The following CACNA1C variants were observed in gnomAD, a reference collection of about 807,000 sequenced individuals.
The protein encoded by CACNA1C is voltage-dependent L-type calcium channel subunit alpha-1C.
CACNA1C carries 30 observed loss-of-function variants against 229.0 expected under a neutral mutation model. The observed-to-expected ratio is 0.13, with a 90% CI of 0.10 to 0.18. CACNA1C has a LOEUF of 0.18. CACNA1C is among the 10% of genes least tolerant of loss of function. CACNA1C has a pLI of 1.00. For synonymous variants in CACNA1C, 1,114 were observed against 1,132.5 expected (o/e 0.98, Z 0.33); for missense variants, 1,658 against 2,845.0 (o/e 0.58, Z 9.49).
intron 3 of CACNA1C, among the ~76,000 whole-genome samples, chr12:2,192,383 CT>C (rs1261746606): frequency 6.6e-6 from 1 of 152,196 alleles, no homozygotes; most frequent in Admixed American, 6.5e-5. Context: ...GTCCCCACCC[CT>C]GAGCTCAGCT....
intron 3 of CACNA1C, among the ~76,000 whole-genome samples, chr12:2,265,588 C>A (rs2082084336): frequency 6.6e-6 from 1 of 152,240 alleles, no homozygotes; most frequent in African/African-American, 2.4e-5. Context: ...TGAATAGCAT[C>A]CCCCAGGGGA....
At chr12:2,557,981 T>G (rs1568412353) in intron 11 of CACNA1C, among the ~76,000 whole-genome samples, 2 of 152,278 alleles carry the variant, frequency 1.3e-5, no homozygotes, top group East Asian at 3.9e-4. Context: ...TGCCAAAAAA[T>G]ATTGGTTATT....
intron 1 of CACNA1C, among the ~76,000 whole-genome samples, chr12:2,106,355 A>G (rs71454859): frequency 2.8e-3 from 80 of 28,746 alleles, no homozygotes; most frequent in Middle Eastern, 0.036. Context: ...TCAGCTGGGC[A>G]TCGTGAAGCC....
At chr12:2,435,667 T>C (rs985187686) in intron 3 of CACNA1C, among the ~76,000 whole-genome samples, 3 of 152,194 alleles carry the variant, frequency 2.0e-5, no homozygotes, top group African/African-American at 7.2e-5. Context: ...CTGCAGGCAC[T>C]GGAGGGAGGC....
intron 3 of CACNA1C, among the ~76,000 whole-genome samples, chr12:2,198,831 T>A (rs2097499846): frequency 6.6e-6 from 1 of 152,154 alleles, no homozygotes; most frequent in Admixed American, 6.5e-5. Context: ...TTAGGTGATT[T>A]TTTTTAAGTT....
At chr12:2,457,942 C>T (rs1252041807) in intron 5 of CACNA1C, among the ~76,000 whole-genome samples, 2 of 152,236 alleles carry the variant, frequency 1.3e-5, no homozygotes, top group Non-Finnish European at 2.9e-5. Context: ...ACAGCAGTCA[C>T]TCAGCCACAT....
At position 2,120,351 on chromosome 12, in the gene CACNA1C, C is replaced by G. The variant is rs2086024328; in HGVS notation, c.398C>G (p.Thr133Ser). ...WKPFEIIILL[T>S]IFANCVALAI... ...CCATTTGAAATAATTATTTTACTGA[C>G]TATTTTTGCCAATTGTGTGGCCTTA... Residue 133 changes from threonine (T) to serine (S), a missense_variant, in exon 3 of 47, where the codon ACT becomes AGT. By Grantham distance (58) the Thr-to-Ser change is moderately conservative. Around this residue, in one of 20 missense-constraint regions of CACNA1C, gnomAD observed 89 missense variants for 177.8 expected, o/e 0.50. Coordinates refer to ENST00000399655, the MANE Select transcript of CACNA1C (RefSeq NM_000719.7). 1.2e-6 allele frequency: 2 copies of G among 1,600,600 alleles called. No individual in the cohort carries two copies. Among genetic ancestry groups the G allele is most frequent in the Non-Finnish European group, 1.7e-6 (2 of 1,167,650 alleles).
At position 2,143,136 on chromosome 12, in the gene CACNA1C, C is replaced by T. The variant is rs376194000; in HGVS notation, c.477+22706C>T. On this transcript the variant is annotated intron_variant, in intron 3 of 46. Transcript: ENST00000399655. ...GATTACAGGTGCCTGCCACCATGCCCGGCTAAGTTTTGTATTTTTAGTAGA... is the reference window on the plus strand; with the variant it reads ...GATTACAGGTGCCTGCCACCATGCCTGGCTAAGTTTTGTATTTTTAGTAGA... 6.0e-5 allele frequency among the ~76,000 whole-genome samples: 9 copies of T among 151,026 alleles called. No homozygotes were observed. In the East Asian group the frequency reaches 9.7e-4, roughly 16 times the overall value.
At chr12:2,203,242 A>G (rs10848627) in intron 3 of CACNA1C, among the ~76,000 whole-genome samples, 51,770 of 151,994 alleles carry the variant, frequency 0.34, 9,296 homozygotes, top group South Asian at 0.39. Context: ...CCTGCGATCC[A>G]TCTCCATGCT....
intron 3 of CACNA1C, among the ~76,000 whole-genome samples, chr12:2,310,352 A>ATAT (rs1555425896): frequency 0.024 from 3,363 of 139,744 alleles, 118 homozygotes; most frequent in East Asian, 0.18. Context: ...TAAAAAAAAA[A>ATAT]ATATATATAT....
At chr12:2,057,623 C>T (rs1479164927) in intron 1 of CACNA1C, among the ~76,000 whole-genome samples, 3 of 152,214 alleles carry the variant, frequency 2.0e-5, no homozygotes, top group Non-Finnish European at 2.9e-5. Context: ...GACCTCTCCA[C>T]CCTGTTGTAA....
chr12:2,591,793 T>C (rs1045280260), intron 18 of CACNA1C, among the ~76,000 whole-genome samples: 1 of 151,416 alleles, frequency 6.6e-6, no homozygotes, highest in African/African-American at 2.4e-5. Context: ...AATCAAGGGG[T>C]CTGCAGGGCC....
intron 1 of CACNA1C, among the ~76,000 whole-genome samples, chr12:2,004,978 C>T (rs957329577): frequency 6.9e-6 from 1 of 145,852 alleles, no homozygotes; most frequent in Admixed American, 6.8e-5. Flanking sequence ...AAAAACAAAA[C>T]CTTTTATGAC....
At chr12:2,302,764 A>G (rs948949980) in intron 3 of CACNA1C, among the ~76,000 whole-genome samples, 1 of 152,238 alleles carries the variant, frequency 6.6e-6, no homozygotes, top group Non-Finnish European at 1.5e-5. Flanking sequence ...TTCATTCAGT[A>G]TATATAAACT....
At chr12:2,682,757 C>G in intron 43 of CACNA1C, 79 bp downstream of exon 43, 2 of 1,454,816 alleles carry the variant, frequency 1.4e-6, no homozygotes, top group Non-Finnish European at 1.9e-6. Context: ...TCCCTGAGAT[C>G]CCTCCTCTGG....
At chr12:2,584,332 G>A (rs1218793631) in intron 15 of CACNA1C, among the ~76,000 whole-genome samples, 171 bp from the exon 16 acceptor site, 1 of 152,110 alleles carries the variant, frequency 6.6e-6, no homozygotes, top group African/African-American at 2.4e-5. Context: ...AGGGTGATGG[G>A]GAGGAAGGGG....
rs2096912242 is a variant in CACNA1C at position 2,678,046 on chromosome 12, A to T, written c.5091+179A>T. On this transcript the variant is annotated intron_variant, in intron 41 of 46. Transcript: ENST00000399655. This position sits in a 1 kb window ranked among gnomAD's most constrained non-coding sequence, Gnocchi z 4.1. ...CTTTGCCTTTTCCAAGCCTGACTCC[A>T]TCCCAAGGCAGGGCTCCCTGGAAAC... 3.0e-6 allele frequency: 2 copies of T among 674,114 alleles called. No homozygotes were observed. The highest frequency in any genetic ancestry group is 2.1e-5 in the South Asian group (1 of 46,766). The allele number at this position is 674,114 out of a possible 1,614,324, so 41.8% of individuals were successfully genotyped here.
At chr12:2,263,338 G>A (rs148827735) in intron 3 of CACNA1C, among the ~76,000 whole-genome samples, 41 of 152,298 alleles carry the variant, frequency 2.7e-4, no homozygotes, top group Middle Eastern at 3.4e-3. Context: ...GTAGGAGCAG[G>A]GAGGAGGCAG....
chr12:2,261,952 C>A (rs948651755), intron 3 of CACNA1C, among the ~76,000 whole-genome samples: 1 of 152,230 alleles, frequency 6.6e-6, no homozygotes. Context: ...CTCACCTCCC[C>A]ATCACCCTGC....
Sources: allele counts gnomAD v4.1 joint callset (sites outside exome capture counted in the v4.1 genomes callset), GRCh38; gene constraint gnomAD v4.1.1; regional missense constraint gnomAD v4.1.1; non-coding constraint Gnocchi (gnomAD v3.1); transcripts MANE v1.5; gene names NCBI Gene and HGNC (gene_info 2026-07-23, HGNC 2026-07-21).